Variants in YBX1 observed in about 807,000 individuals in gnomAD.
YBX1 encodes the protein Y-box-binding protein 1.
YBX1 carries 3 observed loss-of-function variants against 41.4 expected under a neutral mutation model. The observed-to-expected ratio is 0.07, with a 90% CI of 0.03 to 0.19. YBX1 has a LOEUF of 0.19. YBX1 is among the 10% of genes least tolerant of loss of function. YBX1 has a pLI of 1.00. For missense variants in YBX1, 274 were observed against 462.8 expected (o/e 0.59, Z 3.74); for synonymous variants, 133 against 165.8 (o/e 0.80, Z 1.52).
intron 2 of YBX1, among the ~76,000 whole-genome samples, chr1:42,692,377 T>G (rs1425234089): frequency 6.6e-6 from 1 of 152,156 alleles, no homozygotes; most frequent in East Asian, 1.9e-4. Context: ...CCCTAGGCAA[T>G]CCTAATCATC....
chr1:42,698,619 T>A (rs557678083), intron 6 of YBX1, among the ~76,000 whole-genome samples: 2 of 152,334 alleles, frequency 1.3e-5, no homozygotes, highest in South Asian at 4.1e-4. Flanking sequence ...TTGTATTCAG[T>A]GCTTCAGTTC....
Position 42,696,164 on chromosome 1 carries a change from C to T in YBX1, c.265-35C>T. 2.6e-6 allele frequency: 4 copies of T among 1,540,942 alleles called. No homozygotes were observed. The highest frequency in any genetic ancestry group is 2.7e-6 in the Non-Finnish European group (3 of 1,127,608). On this transcript the variant is annotated intron_variant, in intron 3 of 7. Coordinates refer to ENST00000321358, the MANE Select transcript of YBX1 (RefSeq NM_004559.5). This position sits in a 1 kb window ranked among gnomAD's most constrained non-coding sequence, Gnocchi z 5.7. The stretch of plus-strand genomic sequence containing the variant: ...TAAATGAAAAAGCACATTATTCTCC[C>T]CTGTTAATCTATTTTTGGAATGTGA...
chr1:42,694,153 T>C (rs547464015), intron 3 of YBX1, among the ~76,000 whole-genome samples: 16 of 152,262 alleles, frequency 1.1e-4, no homozygotes, highest in African/African-American at 3.6e-4. Context: ...TAAATAATTT[T>C]TAGATTGGCT....
Position 42,696,944 on chromosome 1 carries a change from G to C in YBX1, c.657G>C (p.Glu219Asp). The part of the protein sequence containing the change: ...SNPPVQGEVM[E>D]GADNQGAGEQ... Reference sequence around the variant, plus strand: ...CTCCTGTGCAGGGAGAAGTGATGGAGGTAAGTTTCACCATCAACAACAGCA... The same window carrying C: ...CTCCTGTGCAGGGAGAAGTGATGGACGTAAGTTTCACCATCAACAACAGCA... Residue 219 changes from glutamate to aspartate, a missense_variant and splice_region_variant, in exon 5 of 8, where the codon GAG (glutamate) becomes GAC (aspartate). By Grantham distance (45) the Glu-to-Asp change is conservative. Transcript: ENST00000321358. This position sits in a 1 kb window ranked among gnomAD's most constrained non-coding sequence, Gnocchi z 5.7. The C allele has an allele frequency of 6.4e-7, 1 of 1,552,440 alleles. No individual in the cohort carries two copies. Among genetic ancestry groups the C allele is most frequent in the Non-Finnish European group, 8.7e-7 (1 of 1,148,540 alleles).
At position 42,696,303 on chromosome 1, in the gene YBX1, T is replaced by C. The variant is rs1557533536; in HGVS notation, c.354+15T>C. ...AAGGAGAAAAGGTGAGGATGCTTTT[T>C]GTGTAAAGGTTTGACTTCAGTATGG... On this transcript the variant is annotated intron_variant, in intron 4 of 7. Coordinates refer to ENST00000321358, the MANE Select transcript of YBX1 (RefSeq NM_004559.5). This position sits in a 1 kb window ranked among gnomAD's most constrained non-coding sequence, Gnocchi z 5.7. 1.2e-6 allele frequency: 2 copies of C among 1,611,218 alleles called. No homozygotes were observed. Among genetic ancestry groups the C allele is most frequent in the South Asian group, 2.2e-5 (2 of 90,646 alleles).
chr1:42,682,858 T>TC lies in YBX1; in HGVS notation c.166+134dup, dbSNP rs966786233. The stretch of plus-strand genomic sequence containing the variant: ...CGACTCCGCGGCGCGCGGCCGCCCA[T>TC]CCCCCCCGTCCCCCCCTCACTCCCT... On this transcript the variant is annotated intron_variant, in intron 1 of 7. Coordinates refer to ENST00000321358, the MANE Select transcript of YBX1 (RefSeq NM_004559.5). 16 of 354,756 alleles carry TC rather than the reference T, an allele frequency of 4.5e-5. No individual in the cohort carries two copies. The South Asian group carries it at 4.6e-4, about 10-fold the overall frequency. 22.0% of individuals were successfully genotyped at this position (354,756 alleles called of 1,614,324 possible). A position where few individuals can be genotyped will look rare whatever the true frequency, so the allele number is the denominator to read the frequency against.
At chr1:42,695,064 C>T (rs1463236466) in intron 3 of YBX1, among the ~76,000 whole-genome samples, 1 of 152,222 alleles carries the variant, frequency 6.6e-6, no homozygotes, top group Non-Finnish European at 1.5e-5. Flanking sequence ...GTTTAGATGA[C>T]AGATGAGATC....
chr1:42,700,685 A>T, intron 6 of YBX1, 96 bp from the exon 7 acceptor site: 1 of 1,051,926 alleles, frequency 9.5e-7, no homozygotes, highest in Non-Finnish European at 1.3e-6. Context: ...AATGGGCCAG[A>T]CATGGTGAGT....
intron 3 of YBX1, among the ~76,000 whole-genome samples, chr1:42,694,870 A>G (rs1351220663): frequency 1.3e-5 from 2 of 152,164 alleles, no homozygotes; most frequent in Non-Finnish European, 2.9e-5. Flanking sequence ...TAGGAACAAG[A>G]GACAGCAAAG....
intron 3 of YBX1, among the ~76,000 whole-genome samples, chr1:42,694,034 T>G (rs12126887): frequency 0.3 from 44,945 of 151,410 alleles, 6,778 homozygotes; most frequent in Non-Finnish European, 0.32. Context: ...GTATTGGGTT[T>G]TTTTTTTTTT....
At chr1:42,687,438 C>T (rs565339259) in intron 2 of YBX1, among the ~76,000 whole-genome samples, 3 of 152,216 alleles carry the variant, frequency 2.0e-5, no homozygotes, top group East Asian at 3.9e-4. Context: ...CGCCCGCCAC[C>T]ACACAGGCTA....
In YBX1 at chr1:42,691,866, T is replaced by A. The variant is rs551885668; in HGVS notation, c.231-1624T>A. On this transcript the variant is annotated intron_variant, in intron 2 of 7. Coordinates refer to ENST00000321358, the MANE Select transcript of YBX1 (RefSeq NM_004559.5). ...CCTATCTTTGGAAAAAAATTTTATTTTTTTATTTTTTTTGAGATGGAATCT... is the reference window on the plus strand; with the variant it reads ...CCTATCTTTGGAAAAAAATTTTATTATTTTATTTTTTTTGAGATGGAATCT... Among the ~76,000 whole-genome samples the A allele has an allele frequency of 1.1e-4, 16 of 149,706 alleles. No homozygotes were observed. In the South Asian group the frequency reaches 1.1e-3, roughly 10 times the overall value.
chr1:42,690,396 T>C (rs1431790662), intron 2 of YBX1, among the ~76,000 whole-genome samples: 1 of 151,896 alleles, frequency 6.6e-6, no homozygotes, highest in Non-Finnish European at 1.5e-5. Context: ...AAATGGAAAA[T>C]ATTATAGACA....
intron 3 of YBX1, among the ~76,000 whole-genome samples, chr1:42,694,887 G>A (rs1557532907): frequency 6.6e-6 from 1 of 152,156 alleles, no homozygotes; most frequent in African/African-American, 2.4e-5. Flanking sequence ...AAAGTTTCTC[G>A]GTCTTGTTGC....
In YBX1 at chr1:42,703,525, G is replaced by C. The variant is rs1256724911; in HGVS notation, c.*1576G>C. ...GTGTAAATATCTGTACTGCAGAAGTGAGTTAGCCTATTTCTTGCTGGTGTT... is the reference window on the plus strand; with the variant it reads ...GTGTAAATATCTGTACTGCAGAAGTCAGTTAGCCTATTTCTTGCTGGTGTT... On this transcript the variant is annotated 3_prime_UTR_variant, in exon 8 of 8. Coordinates refer to ENST00000321358, the MANE Select transcript of YBX1 (RefSeq NM_004559.5). Among the ~76,000 whole-genome samples, 5 of 152,084 alleles carry C rather than the reference G, an allele frequency of 3.3e-5. No homozygotes were observed. The highest frequency in any genetic ancestry group is 2.9e-5 in the Non-Finnish European group (2 of 68,014).
intron 3 of YBX1, 86 bp downstream of exon 3, chr1:42,693,609 T>A (rs975014192): frequency 1.4e-6 from 2 of 1,458,514 alleles, no homozygotes; most frequent in Non-Finnish European, 1.9e-6. Context: ...TTGTTCCTTA[T>A]AAAAGGTTAA....
chr1:42,686,986 G>T (rs562611088), intron 2 of YBX1, among the ~76,000 whole-genome samples: 1 of 152,118 alleles, frequency 6.6e-6, no homozygotes, highest in Non-Finnish European at 1.5e-5. Context: ...ATTTCTTAGG[G>T]TGATTATTTT....
intron 2 of YBX1, 71 bp downstream of exon 2, chr1:42,683,537 CTTGGGAAGCCCCA>C: frequency 6.4e-7 from 1 of 1,566,846 alleles, no homozygotes; most frequent in South Asian, 1.1e-5. Context: ...CTTCTCGGGG[CTTGGGAAGCCCCA>C]ATCCACAGCT....
At chr1:42,683,275 C>A (rs774001482) in intron 1 of YBX1, 128 bp from the exon 2 acceptor site, 3 of 1,084,570 alleles carry the variant, frequency 2.8e-6, no homozygotes, top group Non-Finnish European at 4.2e-6. Context: ...CGCACCCGGG[C>A]GGTGGAGAGA....
Sources: gnomAD v4.1 joint callset for allele counts (sites outside exome capture counted in the v4.1 genomes callset) on GRCh38, gnomAD v4.1.1 for gene constraint, Gnocchi (gnomAD v3.1) non-coding constraint, MANE v1.5 for transcripts, NCBI Gene and HGNC (gene_info 2026-07-23, HGNC 2026-07-21) for gene names.